COL2A1: variants seen among roughly 807,000 people sequenced by gnomAD.
COL2A1 encodes the protein collagen type II alpha 1 chain.
In COL2A1, 28 loss-of-function variants were observed where a neutral mutation model predicts 204.5. That is an observed-to-expected ratio of 0.14 (90% CI 0.10 to 0.19). The LOEUF (loss-of-function observed/expected upper bound fraction) is 0.19. Ranked by LOEUF, COL2A1 falls within the 10% of genes least tolerant of loss-of-function variation. The pLI is 1.00. For missense variants in COL2A1, 1,388 were observed against 2,027.5 expected, an observed-to-expected ratio of 0.68 and a Z score of 6.06; for synonymous variants, 708 against 718.7, an observed-to-expected ratio of 0.99 and a Z score of 0.24.
chr12:47,993,522 G>T lies in COL2A1; in HGVS notation c.925-20C>A. ...CTCACCCTGGAAAAATGATGCACAA[G>T]GTCAGTGTCTGGGACCCCATTCTTG... On this transcript the variant is annotated intron_variant, in intron 14 of 53. Coordinates refer to ENST00000380518, the MANE Select transcript of COL2A1 (RefSeq NM_001844.5). The T allele has an allele frequency of 6.2e-7, 1 of 1,611,980 alleles. No homozygotes were observed. The highest frequency in any genetic ancestry group is 8.5e-7 in the Non-Finnish European group (1 of 1,178,068).
intron 2 of COL2A1, among the ~76,000 whole-genome samples, chr12:47,999,451 GCCCCTGCAGTCTC>G: frequency 6.6e-6 from 1 of 152,188 alleles, no homozygotes; most frequent in Non-Finnish European, 1.5e-5. Context: ...GGGAGCCTCT[GCCCCTGCAGTCTC>G]CCCACTAGCT....
At position 47,973,284 on chromosome 12, in the gene COL2A1, G is replaced by T. The variant is rs1938525568; in HGVS notation, c.*123C>A. On this transcript the variant is annotated 3_prime_UTR_variant, in exon 54 of 54. Transcript: ENST00000380518. ...GGAGAAAAGTCCGAACTGTGAGAGG[G>T]TGGGATGAATGGACATCAGGTCAGG... is the stretch of plus-strand genomic sequence containing the variant. 1.6e-6 allele frequency: 2 copies of T among 1,279,366 alleles called. No homozygotes were observed. The highest frequency in any genetic ancestry group is 3.4e-5 in the Admixed American group (2 of 59,418). The allele number at this position is 1,279,366 out of a possible 1,614,324, so 79.3% of individuals were successfully genotyped here.
At chr12:47,977,482 C>G (rs977050618) in intron 45 of COL2A1, 55 bp from the exon 46 acceptor site, 1 of 1,586,078 alleles carries the variant, frequency 6.3e-7, no homozygotes, top group South Asian at 1.1e-5. Context: ...GAGACAGGAA[C>G]AGAAGGTCCT....
intron 50 of COL2A1, 83 bp downstream of exon 50, chr12:47,975,878 TAA>T: frequency 9.4e-7 from 1 of 1,061,150 alleles, no homozygotes; most frequent in South Asian, 1.3e-5. Flanking sequence ...GCTGATGCCC[TAA>T]AAGAGGCCCT....
Position 47,974,257 on chromosome 12 carries a change from C to T in COL2A1, c.4149G>A (p.Thr1383=), listed in dbSNP as rs750227063. 7.2e-5 allele frequency: 117 copies of T among 1,614,066 alleles called. No homozygotes were observed. The highest frequency in any genetic ancestry group is 1.6e-4 in the Middle Eastern group (1 of 6,084). Residue 1383 remains threonine, a synonymous_variant, in exon 53 of 54, where the codon ACG becomes ACA. Coordinates refer to ENST00000380518, the MANE Select transcript of COL2A1 (RefSeq NM_001844.5). ...VQMTFLRLLS[T]EGSQNITYHC... is the part of the protein sequence containing the mutation. ...GGTAGGTGATGTTCTGGGAGCCTTCCGTGGACAGCAGGCGTAGGAAGGTCA... is the reference window on the plus strand; with the variant it reads ...GGTAGGTGATGTTCTGGGAGCCTTCTGTGGACAGCAGGCGTAGGAAGGTCA...
At chr12:47,983,770 T>C (rs1403363667) in intron 29 of COL2A1, 34 bp from the exon 30 acceptor site, 2 of 1,563,324 alleles carry the variant, frequency 1.3e-6, no homozygotes, top group East Asian at 4.7e-5. Flanking sequence ...GCTGAGCCAG[T>C]GTTCCAGAGA....
chr12:48,004,480 T>C (rs1940385990), upstream of COL2A1: 2 of 546,642 alleles, frequency 3.7e-6, no homozygotes, highest in Admixed American at 3.4e-5. Context: ...GCTCTGCGTC[T>C]TCTCCCCGCC....
In COL2A1 at chr12:47,999,987, C is replaced by T; in HGVS notation, c.224G>A (p.Cys75Tyr). Residue 75 changes from cysteine (C) to tyrosine (Y), a missense_variant, in exon 2 of 54, where the codon TGC (cysteine) becomes TAC (tyrosine). Physicochemically the swap from Cys to Tyr is radical, Grantham distance 194. Coordinates refer to ENST00000380518, the MANE Select transcript of COL2A1 (RefSeq NM_001844.5). ...TCCGAAGGGGATCTCAGGGCTGAGG[C>T]AGTCTTTCACGTCTTCACAGATTAT... is the stretch of plus-strand genomic sequence containing the variant. The part of the protein sequence containing the change: ...DDIICEDVKD[C>Y]LSPEIPFGEC... The T allele has an allele frequency of 6.2e-7, 1 of 1,614,216 alleles. No individual in the cohort carries two copies. The highest frequency in any genetic ancestry group is 2.2e-5 in the East Asian group (1 of 44,888).
upstream of COL2A1, among the ~76,000 whole-genome samples, chr12:48,004,761 C>G (rs949898546): frequency 6.6e-6 from 1 of 152,188 alleles, no homozygotes; most frequent in Non-Finnish European, 1.5e-5. Context: ...GCGCTGCCCC[C>G]CTCTGACCAC....
chr12:47,981,899 G>T, intron 35 of COL2A1, 70 bp from the exon 36 acceptor site: 3 of 1,498,902 alleles, frequency 2.0e-6, no homozygotes, highest in Non-Finnish European at 2.7e-6. Context: ...CCGGCACCAA[G>T]CCAACCTTGG....
chr12:47,988,518 C>T (rs1465158714), intron 18 of COL2A1: 1 of 156,016 alleles, frequency 6.4e-6, no homozygotes, highest in African/African-American at 2.4e-5. Context: ...GCCCCCCTCA[C>T]CTTCCGCTGT....
In COL2A1 at chr12:47,980,081, G is replaced by A. The variant is rs773731833; in HGVS notation, c.2626-19C>T. On this transcript the variant is annotated intron_variant, in intron 39 of 53. Coordinates refer to ENST00000380518, the MANE Select transcript of COL2A1 (RefSeq NM_001844.5). This position sits in a 1 kb window ranked among gnomAD's most constrained non-coding sequence, Gnocchi z 4.5. ...TAGGACCCTGGAAAGGAAAGAGGGAGACAGTGAGGCCCAGTGGCCCAAGGA... is the reference window on the plus strand; with the variant it reads ...TAGGACCCTGGAAAGGAAAGAGGGAAACAGTGAGGCCCAGTGGCCCAAGGA... 3 of 1,550,740 alleles carry A rather than the reference G, an allele frequency of 1.9e-6. No homozygotes were observed. The highest frequency in any genetic ancestry group is 1.4e-5 in the African/African-American group (1 of 73,030).
rs776744207 is a variant in COL2A1 at position 48,000,054 on chromosome 12, G to C, written c.157C>G (p.Arg53Gly). 19 of 1,613,816 alleles carry C rather than the reference G, an allele frequency of 1.2e-5. No homozygotes were observed. Among genetic ancestry groups the C allele is most frequent in the Non-Finnish European group, 1.5e-5 (18 of 1,179,984 alleles). Reference sequence around the variant, plus strand: ...GTCCCAGTGTCACAGACACAGATCCGGCAGGGCTCCGGCTTCCACACATCC... The same window carrying C: ...GTCCCAGTGTCACAGACACAGATCCCGCAGGGCTCCGGCTTCCACACATCC... ...DKDVWKPEPC[R>G]ICVCDTGTVL... Residue 53 changes from arginine to glycine, a missense_variant, in exon 2 of 54, where the codon CGG (arginine) becomes GGG (glycine). Around this residue, in one of 3 missense-constraint regions of COL2A1, gnomAD observed 201 missense variants for 242.4 expected, o/e 0.83. Transcript: ENST00000380518.
chr12:47,982,960 A>G lies in COL2A1; in HGVS notation c.2095-14T>C. The G allele has an allele frequency of 1.4e-5, 22 of 1,613,390 alleles. No homozygotes were observed. The highest frequency in any genetic ancestry group is 1.9e-5 in the Non-Finnish European group (22 of 1,179,646). ...ACCTCGTTCACCCTGCGGCAGAGAC[A>G]CCAAGAAGTGATCAACCAACAGCAG... On this transcript the variant is annotated splice_polypyrimidine_tract_variant and intron_variant, in intron 32 of 53. Coordinates refer to ENST00000380518, the MANE Select transcript of COL2A1 (RefSeq NM_001844.5).
At chr12:47,985,691 G>C (rs41317927) in intron 25 of COL2A1, 37 bp downstream of exon 25, 1 of 1,610,864 alleles carries the variant, frequency 6.2e-7, no homozygotes, top group Non-Finnish European at 8.5e-7. Flanking sequence ...GGGCCTGAGG[G>C]TCTGAAGCCA....
Position 47,999,932 on chromosome 12 carries a change from G to A in COL2A1, c.279C>T (p.Leu93=), listed in dbSNP as rs774746221. The A allele has an allele frequency of 8.1e-6, 13 of 1,613,848 alleles. No homozygotes were observed. Among genetic ancestry groups the A allele is most frequent in the East Asian group, 6.7e-5 (3 of 44,902 alleles). Residue 93 remains leucine (L), a synonymous_variant, in exon 2 of 54, where the codon CTC becomes CTT. Coordinates refer to ENST00000380518, the MANE Select transcript of COL2A1 (RefSeq NM_001844.5). ...ATAAATTACAACCACTGGCAGTGGC[G>A]AGGTCAGTTGGGCAGATGGGGCAGC... ...GECCPICPTD[L]ATASGQPGPK...
At position 47,997,701 on chromosome 12, in the gene COL2A1, G is replaced by A. The variant is rs1181216326; in HGVS notation, c.436C>T (p.Pro146Ser). ...TCTCCATCTCTGCCACGAGGTCCAGGGGCACCCTTGGCATAAAGAGAAAAA... is the reference window on the plus strand; with the variant it reads ...TCTCCATCTCTGCCACGAGGTCCAGAGGCACCCTTGGCATAAAGAGAAAAA... The part of the protein sequence containing the change: ...DRGDKGEKGA[P>S]GPRGRDGEPG... Residue 146 changes from proline (P) to serine (S), a missense_variant, in exon 7 of 54, where the codon CCT becomes TCT. Physicochemically the swap from Pro to Ser is moderately conservative, Grantham distance 74. Coordinates refer to ENST00000380518, the MANE Select transcript of COL2A1 (RefSeq NM_001844.5). 6 of 1,613,954 alleles carry A rather than the reference G, an allele frequency of 3.7e-6. No individual in the cohort carries two copies. The East Asian group carries it at 1.1e-4, about 30-fold the overall frequency.
At chr12:47,973,575 G>A in intron 53 of COL2A1, 22 bp from the exon 54 acceptor site, 2 of 1,613,926 alleles carry the variant, frequency 1.2e-6, no homozygotes, top group Non-Finnish European at 1.7e-6. Context: ...AAAAGGAGGA[G>A]GCTCTGTTCA....
chr12:47,983,979 C>T (rs994276896), intron 29 of COL2A1, 108 bp downstream of exon 29: 1 of 1,094,094 alleles, frequency 9.1e-7, no homozygotes, highest in Non-Finnish European at 1.4e-6. Flanking sequence ...TGTATCAGCT[C>T]AGCCCACATT....
Sources: allele counts gnomAD v4.1 joint callset (sites outside exome capture counted in the v4.1 genomes callset), GRCh38; gene constraint gnomAD v4.1.1; regional missense constraint gnomAD v4.1.1; non-coding constraint Gnocchi (gnomAD v3.1); transcripts MANE v1.5; gene names NCBI Gene and HGNC (gene_info 2026-07-23, HGNC 2026-07-21).